HIF3A: variants seen among roughly 807,000 people sequenced by gnomAD.
HIF3A encodes the protein hypoxia-inducible factor 3-alpha.
In HIF3A, 41 loss-of-function variants were observed where a neutral mutation model predicts 67.2. The ratio of observed to expected loss-of-function variants is 0.61; its 90% CI spans 0.48 to 0.79. The LOEUF is 0.79. Ranked by LOEUF, HIF3A falls within the 30% of genes least tolerant of loss-of-function variation. The probability of loss-of-function intolerance (pLI) is 0.00; values close to 1 mark genes in which losing one functional copy is unlikely to be tolerated. For synonymous variants in HIF3A, 356 were observed against 374.8 expected (o/e 0.95, Z 0.58); for missense variants, 855 against 898.0 (o/e 0.95, Z 0.61).
At chr19:46,298,977 C>CTTCCT (rs1968097879) in intron 1 of HIF3A, among the ~76,000 whole-genome samples, 1 of 152,232 alleles carries the variant, frequency 6.6e-6, no homozygotes, top group Admixed American at 6.5e-5. Flanking sequence ...TTTATTATGC[C>CTTCCT]TTCCTCATGG....
Position 46,312,670 on chromosome 19 carries a change from G to T in HIF3A, c.1025+17G>T, listed in dbSNP as rs1008798651. 2.6e-6 allele frequency: 4 copies of T among 1,541,546 alleles called. No individual in the cohort carries two copies. Among genetic ancestry groups the T allele is most frequent in the Non-Finnish European group, 3.5e-6 (4 of 1,143,198 alleles). On this transcript the variant is annotated intron_variant, in intron 8 of 14. Transcript: ENST00000377670. The stretch of plus-strand genomic sequence containing the variant: ...TTTAATCAGGTAAGCAGGAGGAGGG[G>T]CTGGGGTGGCTGTGTGTGGGCCTGA...
At chr19:46,328,385 C>T (rs1970943684) in intron 11 of HIF3A, among the ~76,000 whole-genome samples, 1 of 152,268 alleles carries the variant, frequency 6.6e-6, no homozygotes. Context: ...TCTTCAAAAC[C>T]TTCAAGTACT....
chr19:46,327,714 CCA>C (rs1238513103), intron 11 of HIF3A, among the ~76,000 whole-genome samples: 1 of 152,080 alleles, frequency 6.6e-6, no homozygotes, highest in African/African-American at 2.4e-5. Context: ...GTGGAGATTC[CCA>C]GACTCCTGTA....
At chr19:46,337,288 T>C (rs1971696752) in intron 14 of HIF3A, among the ~76,000 whole-genome samples, 1 of 152,040 alleles carries the variant, frequency 6.6e-6, no homozygotes, top group Non-Finnish European at 1.5e-5. Context: ...TCTTGCTCTG[T>C]TGCCCAGGCT....
chr19:46,310,825 AC>A (rs1280808152), intron 6 of HIF3A: 1 of 278,596 alleles, frequency 3.6e-6, no homozygotes, highest in African/African-American at 2.3e-5. Flanking sequence ...ATCTTGGCCC[AC>A]TGCAACGTCC....
At chr19:46,303,612 A>G in intron 1 of HIF3A, 1 of 1,563,964 alleles carries the variant, frequency 6.4e-7, no homozygotes, top group African/African-American at 1.3e-5. Context: ...TAAGTCAGGG[A>G]GGGGACAGAG....
chr19:46,330,790 G>GGCA, intron 12 of HIF3A, among the ~76,000 whole-genome samples: 1 of 150,930 alleles, frequency 6.6e-6, no homozygotes, highest in African/African-American at 2.4e-5. Flanking sequence ...ATGGATGGAT[G>GGCA]GATGGATGGA....
chr19:46,312,425 C>A, intron 7 of HIF3A, 81 bp from the exon 8 acceptor site: 1 of 1,603,726 alleles, frequency 6.2e-7, no homozygotes, highest in South Asian at 1.1e-5. Context: ...CCTTCCTTGC[C>A]CCCTCATACC....
At chr19:46,302,778 G>T (rs1968457580) in intron 1 of HIF3A, among the ~76,000 whole-genome samples, 1 of 152,144 alleles carries the variant, frequency 6.6e-6, no homozygotes. Context: ...AGAGGCTGAG[G>T]CTGGAGGATG....
In HIF3A at chr19:46,321,972, C is replaced by T. The variant is rs1970406457; in HGVS notation, c.1335+6C>T. ...ACCCCCAAAGTCCTCTTTCGGTAAG[C>T]CATCCCACCCATGTGAGCCCTCAGC... On this transcript the variant is annotated splice_donor_region_variant and intron_variant, in intron 10 of 14. Coordinates refer to ENST00000377670, the MANE Select transcript of HIF3A (RefSeq NM_152795.4). The T allele has an allele frequency of 1.5e-5, 25 of 1,612,970 alleles. No individual in the cohort carries two copies. The highest frequency in any genetic ancestry group is 2.1e-5 in the Non-Finnish European group (25 of 1,179,464).
At chr19:46,334,458 TC>T in intron 13 of HIF3A, among the ~76,000 whole-genome samples, 1 of 152,122 alleles carries the variant, frequency 6.6e-6, no homozygotes, top group South Asian at 2.1e-4. Flanking sequence ...GATCTCAAAC[TC>T]CTGACCTCAG....
chr19:46,317,495 A>G (rs1970011347), intron 8 of HIF3A, among the ~76,000 whole-genome samples: 1 of 151,730 alleles, frequency 6.6e-6, no homozygotes, highest in South Asian at 2.1e-4. Context: ...CTTCTCACTT[A>G]CCCTCCAAAT....
At chr19:46,328,777 G>A (rs542750467) in intron 11 of HIF3A, among the ~76,000 whole-genome samples, 4 of 152,052 alleles carry the variant, frequency 2.6e-5, no homozygotes, top group South Asian at 2.1e-4. Flanking sequence ...GCTGGACTGC[G>A]ATGGTGTGAT....
At chr19:46,325,224 T>C (rs970108582) in intron 10 of HIF3A, among the ~76,000 whole-genome samples, 2 of 151,982 alleles carry the variant, frequency 1.3e-5, no homozygotes, top group Admixed American at 6.6e-5. Flanking sequence ...CTCGAATTCC[T>C]GACCTCAAGT....
In HIF3A at chr19:46,339,610, C is replaced by G; in HGVS notation, c.1998C>G (p.Ala666=). ...GGPFQPRAGS[A]QAD is the part of the protein sequence containing the mutation. ...CCTTCCAGCCAAGGGCAGGCTCAGC[C>G]CAGGCTGACTGAGCCGGCTCCTCTC... The change falls in exon 15 of 15, where the codon GCC becomes GCG. Residue 666 remains alanine, a synonymous_variant. Coordinates refer to ENST00000377670, the MANE Select transcript of HIF3A (RefSeq NM_152795.4). 9 of 1,603,998 alleles carry G rather than the reference C, an allele frequency of 5.6e-6. No homozygotes were observed. Among genetic ancestry groups the G allele is most frequent in the Non-Finnish European group, 6.8e-6 (8 of 1,174,432 alleles).
intron 14 of HIF3A, among the ~76,000 whole-genome samples, chr19:46,336,686 C>T (rs965155028): frequency 2.4e-4 from 36 of 152,186 alleles, no homozygotes; most frequent in African/African-American, 7.5e-4. Context: ...CGCACCAGGC[C>T]CCTGTCTCTA....
chr19:46,326,262 C>T (rs1568536324), intron 11 of HIF3A, among the ~76,000 whole-genome samples: 2 of 152,186 alleles, frequency 1.3e-5, no homozygotes. Flanking sequence ...GTCCTCACAA[C>T]ATGGCAGTTG....
rs183078145 is a variant in HIF3A at position 46,341,104 on chromosome 19, G to C, written c.*1482G>C. 6.6e-6 allele frequency: 1 copy of C among 151,932 alleles called. No homozygotes were observed. Among genetic ancestry groups the C allele is most frequent in the Admixed American group, 6.6e-5 (1 of 15,250 alleles). The allele number at this position is 151,932 out of a possible 1,614,324, so 9.4% of individuals were successfully genotyped here. A position where few individuals can be genotyped will look rare whatever the true frequency, so the allele number is the denominator to read the frequency against. On this transcript the variant is annotated 3_prime_UTR_variant, in exon 15 of 15. Transcript: ENST00000377670. ...GATCTTATATTCAGTGATTTCCTCT[G>C]GTTCTGGACCCCACAACTCCAAGCT...
Position 46,321,841 on chromosome 19 carries a change from G to C in HIF3A, c.1210G>C (p.Ala404Pro). The C allele has an allele frequency of 6.2e-7, 1 of 1,613,822 alleles. No individual in the cohort carries two copies. Among genetic ancestry groups the C allele is most frequent in the Non-Finnish European group, 8.5e-7 (1 of 1,179,994 alleles). Residue 404 changes from alanine to proline, a missense_variant, in exon 10 of 15, where the codon GCT (alanine) becomes CCT (proline). Ala to Pro is a conservative substitution (Grantham distance 27). Around this residue, in one of 3 missense-constraint regions of HIF3A, gnomAD observed 638 missense variants for 660.5 expected, o/e 0.97. Coordinates refer to ENST00000377670, the MANE Select transcript of HIF3A (RefSeq NM_152795.4). ...PPSLSEAALA[A>P]DPRRFCSPDL... ...TTCCCTGAGCGAGGCTGCCCTGGCC[G>C]CTGACCCCCGCCGTTTCTGCAGCCC...
Sources: gnomAD v4.1 joint callset for allele counts (sites outside exome capture counted in the v4.1 genomes callset) on GRCh38, gnomAD v4.1.1 for gene constraint, gnomAD v4.1.1 regional missense constraint, MANE v1.5 for transcripts, NCBI Gene and HGNC (gene_info 2026-07-23, HGNC 2026-07-21) for gene names.